Variants in MAP7D2 observed in about 807,000 individuals in gnomAD.
MAP7D2 encodes MAP7 domain containing 2.
Under a neutral mutation model 63.5 loss-of-function variants are expected in MAP7D2, and 33 were observed. The ratio of observed to expected loss-of-function variants is 0.52; its 90% CI spans 0.39 to 0.70. The LOEUF is 0.70. Ranked by LOEUF, MAP7D2 falls within the 30% of genes least tolerant of loss-of-function variation. MAP7D2 has a pLI of 0.00. For synonymous variants in MAP7D2, 224 were observed against 223.7 expected (o/e 1.00, Z -0.01); for missense variants, 626 against 604.0 (o/e 1.04, Z -0.38).
At chrX:20,038,896 C>A (rs946232355) in intron 8 of MAP7D2, among the ~76,000 whole-genome samples, 3 of 111,978 alleles carry the variant, frequency 2.7e-5, no homozygotes, top group African/African-American at 9.7e-5. Flanking sequence ...TACAGGAGAT[C>A]CCTTAGGGCA....
At chrX:20,042,880 A>C (rs2064697955) in intron 7 of MAP7D2, among the ~76,000 whole-genome samples, 1 of 112,364 alleles carries the variant, frequency 8.9e-6, no homozygotes, top group Non-Finnish European at 1.9e-5. Context: ...AGAGTTAACA[A>C]CTGAACCATA....
chrX:20,097,087 T>A (rs1400177725), intron 1 of MAP7D2, among the ~76,000 whole-genome samples: 1 of 111,463 alleles, frequency 9.0e-6, no homozygotes, highest in African/African-American at 3.3e-5. Context: ...TCCCATGGAA[T>A]TTTTTGCAAT....
rs1237591874 is a variant in MAP7D2 at position 20,039,955 on chromosome X, C to T, written c.1007+2547G>A. 1.1e-4 allele frequency among the ~76,000 whole-genome samples: 11 copies of T among 100,670 alleles called. No homozygotes were observed. In the East Asian group the frequency reaches 3.1e-3, roughly 29 times the overall value. The allele number at this position is 100,670 out of a possible 115,157, so 87.4% of individuals were successfully genotyped here. A position where few individuals can be genotyped will look rare whatever the true frequency, so the allele number is the denominator to read the frequency against. On this transcript the variant is annotated intron_variant, in intron 8 of 16. Transcript: ENST00000379643. ...CAGAGGTTGCAGTGAGCCGAGATTG[C>T]GCCACTGCACTCCAGCCTGGTGACA... is the stretch of plus-strand genomic sequence containing the variant.
At chrX:20,010,385 A>G (rs1173326216) in intron 16 of MAP7D2, among the ~76,000 whole-genome samples, 1 of 112,072 alleles carries the variant, frequency 8.9e-6, no homozygotes, top group Non-Finnish European at 1.9e-5. Context: ...GATTCTAGAT[A>G]GAATGTGGGA....
intron 1 of MAP7D2, among the ~76,000 whole-genome samples, chrX:20,087,855 T>C (rs935697420): frequency 1.9e-5 from 2 of 107,455 alleles, no homozygotes; most frequent in Non-Finnish European, 3.8e-5. Context: ...TTTTAACTTA[T>C]GGATCCAGCA....
In MAP7D2 at chrX:20,012,470, G is replaced by A. The variant is rs201960499; in HGVS notation, c.1951C>T (p.Pro651Ser). 108 of 1,204,473 alleles carry A rather than the reference G, an allele frequency of 9.0e-5. No individual in the cohort carries two copies. Among genetic ancestry groups the A allele is most frequent in the Non-Finnish European group, 1.2e-4 (103 of 892,523 alleles). ...GVDHAAPETY[P>S]QDIFSNGLKP... Reference sequence around the variant, plus strand: ...AGCCCATTAGAGAAAATGTCTTGGGGATAAGTTTCTGGGGCAGCGTGATCC... The same window carrying A: ...AGCCCATTAGAGAAAATGTCTTGGGAATAAGTTTCTGGGGCAGCGTGATCC... The change falls in exon 15 of 17, where the codon CCC (proline) becomes TCC (serine). Residue 651 changes from proline (P) to serine (S), a missense_variant. By Grantham distance (74) the Pro-to-Ser change is moderately conservative. Transcript: ENST00000379643.
rs147419051 is a variant in MAP7D2 at position 20,112,118 on chromosome X, G to A, written c.130+4632C>T. Among the ~76,000 whole-genome samples, 11 of 111,961 alleles carry A rather than the reference G, an allele frequency of 9.8e-5. No individual in the cohort carries two copies. In the East Asian group the frequency reaches 3.1e-3, roughly 31 times the overall value. ...CACAGAGGGTGGGACGGATGAAGCG[G>A]GTGAGATGACAAAGGAGCAAGGAAC... On this transcript the variant is annotated intron_variant, in intron 1 of 16. Transcript: ENST00000379643.
chrX:20,042,417 A>G (rs2064682000), intron 8 of MAP7D2, 85 bp downstream of exon 8: 1 of 1,086,218 alleles, frequency 9.2e-7, no homozygotes, highest in African/African-American at 1.8e-5. Context: ...ACGGGGGAGC[A>G]GGAGCTGCAA....
intron 1 of MAP7D2, among the ~76,000 whole-genome samples, chrX:20,105,571 A>G (rs994601613): frequency 8.9e-6 from 1 of 112,062 alleles, no homozygotes; most frequent in Admixed American, 9.5e-5. Flanking sequence ...TAGTTCCCAG[A>G]GTTAGGGCAT....
intron 8 of MAP7D2, among the ~76,000 whole-genome samples, chrX:20,027,828 C>G (rs1333167721): frequency 9.2e-6 from 1 of 108,279 alleles, no homozygotes; most frequent in East Asian, 2.9e-4. Context: ...TGCACACACA[C>G]TCTGTCTGTA....
chrX:20,065,752 C>A (rs1381339410), intron 1 of MAP7D2, among the ~76,000 whole-genome samples: 1 of 111,744 alleles, frequency 8.9e-6, no homozygotes, highest in Admixed American at 9.5e-5. Flanking sequence ...TGAGAAATAT[C>A]CCTGGAGCTT....
intron 2 of MAP7D2, 65 bp from the exon 3 acceptor site, chrX:20,063,642 C>T: frequency 8.9e-7 from 1 of 1,119,533 alleles, no homozygotes; most frequent in Non-Finnish European, 1.2e-6. Context: ...GGATTAAGAC[C>T]AAAAACAAGG....
intron 12 of MAP7D2, among the ~76,000 whole-genome samples, chrX:20,014,194 T>C (rs1043123864): frequency 8.9e-6 from 1 of 112,931 alleles, no homozygotes; most frequent in Non-Finnish European, 1.9e-5. Context: ...CCTGGCTATA[T>C]GCTCTTTACT....
intron 1 of MAP7D2, among the ~76,000 whole-genome samples, chrX:20,107,121 G>C (rs1444049520): frequency 9.0e-6 from 1 of 111,642 alleles, no homozygotes; most frequent in Non-Finnish European, 1.9e-5. Flanking sequence ...GTGCTGTCTG[G>C]TTCTTTCAGC....
rs2073058423 is a variant in MAP7D2, at chrX:20,007,968, G to A, written c.*457C>T. The A allele has an allele frequency of 1.8e-5, 2 of 112,187 alleles. No homozygotes were observed. The highest frequency in any genetic ancestry group is 6.5e-5 in the African/African-American group (2 of 30,867). 9.2% of individuals were successfully genotyped at this position (112,187 alleles called of 1,213,427 possible). ...TTCTTCTCTGTCTCAAAAAAGACAG[G>A]GAGATATACAGTGCAAGTTGAGTAT... On this transcript the variant is annotated 3_prime_UTR_variant, in exon 17 of 17. Transcript: ENST00000379643.
At chrX:20,027,299 T>C (rs769792568) in intron 8 of MAP7D2, among the ~76,000 whole-genome samples, 1 of 112,640 alleles carries the variant, frequency 8.9e-6, no homozygotes, top group South Asian at 3.6e-4. Context: ...CTAAGGGATG[T>C]GGTTTTTCAG....
intron 1 of MAP7D2, among the ~76,000 whole-genome samples, chrX:20,088,924 C>T (rs770568503): frequency 9.1e-6 from 1 of 109,902 alleles, no homozygotes; most frequent in East Asian, 2.9e-4. Flanking sequence ...ACCTCCACCT[C>T]TCGGGTTCAA....
At chrX:20,073,670 C>T (rs1243214051) in intron 1 of MAP7D2, among the ~76,000 whole-genome samples, 12 of 107,053 alleles carry the variant, frequency 1.1e-4, no homozygotes, top group Non-Finnish European at 2.1e-4. Context: ...GCTGGGACTA[C>T]AGATGCCCGC....
intron 16 of MAP7D2, among the ~76,000 whole-genome samples, chrX:20,010,230 A>G (rs764740483): frequency 2.7e-5 from 3 of 111,979 alleles, no homozygotes; most frequent in Non-Finnish European, 5.6e-5. Context: ...AAAAATAAAA[A>G]AAGGCCAAAG....
Sources: allele counts gnomAD v4.1 joint callset (sites outside exome capture counted in the v4.1 genomes callset), GRCh38; gene constraint gnomAD v4.1.1; transcripts MANE v1.5; gene names NCBI Gene and HGNC (gene_info 2026-07-23, HGNC 2026-07-21).